Variants in SEMA3C observed in about 807,000 individuals in gnomAD.
SEMA3C encodes semaphorin 3C, also known as semaphorin-3C.
A neutral mutation model predicts 89.4 loss-of-function variants in SEMA3C; 47 were observed. That is an observed-to-expected ratio of 0.53 (90% CI 0.42 to 0.67). The LOEUF is 0.67. Ranked by LOEUF, SEMA3C falls within the 30% of genes least tolerant of loss-of-function variation. The pLI, the probability that SEMA3C is intolerant of heterozygous loss-of-function variation, is 0.00. For synonymous variants in SEMA3C, 310 were observed against 320.2 expected, an observed-to-expected ratio of 0.97 and a Z score of 0.34; for missense variants, 839 against 929.1, an observed-to-expected ratio of 0.90 and a Z score of 1.26.
intron 2 of SEMA3C, among the ~76,000 whole-genome samples, chr7:80,913,641 GAGTT>G (rs1390040754): frequency 2.0e-5 from 3 of 152,128 alleles, no homozygotes; most frequent in African/African-American, 7.2e-5. Flanking sequence ...CATAAAATAA[GAGTT>G]AGACCAATTA....
At chr7:80,812,040 A>G (rs1429016599) in intron 5 of SEMA3C, among the ~76,000 whole-genome samples, 1 of 152,188 alleles carries the variant, frequency 6.6e-6, no homozygotes, top group African/African-American at 2.4e-5. Flanking sequence ...AAGGTAACCT[A>G]AAAAGGTAAA....
At chr7:80,772,900 T>C (rs1788466427) in intron 12 of SEMA3C, among the ~76,000 whole-genome samples, 1 of 152,144 alleles carries the variant, frequency 6.6e-6, no homozygotes, top group South Asian at 2.1e-4. Context: ...TCAGATTACC[T>C]CACTCAAAGT....
intron 17 of SEMA3C, among the ~76,000 whole-genome samples, chr7:80,746,461 G>T (rs1468415348): frequency 6.6e-6 from 1 of 152,000 alleles, no homozygotes; most frequent in Non-Finnish European, 1.5e-5. Flanking sequence ...TATCCTATTT[G>T]TGCAAAATTG....
chr7:80,862,372 T>G (rs1016075060), intron 2 of SEMA3C, among the ~76,000 whole-genome samples: 2 of 152,024 alleles, frequency 1.3e-5, no homozygotes, highest in Non-Finnish European at 2.9e-5. Context: ...TACTTAGGAA[T>G]ATACCTAACC....
At chr7:80,795,307 C>A (rs772935345) in intron 11 of SEMA3C, among the ~76,000 whole-genome samples, 1 of 152,126 alleles carries the variant, frequency 6.6e-6, no homozygotes, top group African/African-American at 2.4e-5. Context: ...CAGGGAGGTA[C>A]GCTTTTCCAG....
At position 80,789,373 on chromosome 7, in the gene SEMA3C, A is replaced by G. The variant is rs17275986; in HGVS notation, c.1287T>C (p.Tyr429=). The G allele has an allele frequency of 0.18, 297,573 of 1,613,682 alleles. 29,215 individuals carry two copies. Among genetic ancestry groups the G allele is most frequent in the Non-Finnish European group, 0.21 (243,607 of 1,179,754 alleles). ...LIVRIGTDYK[Y]TKIAVDRVNA... ...TCACTCGATCCACAGCTATCTTTGT[A>G]TACTTGTAGTCAGTGCCAATACGAA... The change falls in exon 12 of 18, where the codon TAT becomes TAC. Residue 429 remains tyrosine, a synonymous_variant. Coordinates refer to ENST00000265361, the MANE Select transcript of SEMA3C (RefSeq NM_006379.5).
intron 12 of SEMA3C, among the ~76,000 whole-genome samples, chr7:80,771,660 T>C (rs1283346982): frequency 6.6e-6 from 1 of 152,176 alleles, no homozygotes; most frequent in Non-Finnish European, 1.5e-5. Flanking sequence ...TTTGTATATC[T>C]ATCTCCTGAG....
chr7:80,768,823 T>C (rs937500346), intron 12 of SEMA3C, among the ~76,000 whole-genome samples: 1 of 152,140 alleles, frequency 6.6e-6, no homozygotes, highest in East Asian at 1.9e-4. Flanking sequence ...ACCACAGGCA[T>C]GTGTGTGCAT....
intron 11 of SEMA3C, among the ~76,000 whole-genome samples, chr7:80,792,768 T>C (rs1230438043): frequency 6.6e-6 from 1 of 152,170 alleles, no homozygotes; most frequent in African/African-American, 2.4e-5. Context: ...AAACAATTCT[T>C]TTTGATAATA....
rs978920549 is a variant in SEMA3C at position 80,751,479 on chromosome 7, A to G, written c.1644-143T>C. On this transcript the variant is annotated intron_variant, in intron 15 of 17. Coordinates refer to ENST00000265361, the MANE Select transcript of SEMA3C (RefSeq NM_006379.5). The stretch of plus-strand genomic sequence containing the variant: ...TTTTAAAAAGAGTTCTGATTGATGC[A>G]GCTATCTCACATTTCTTATACAATT... The G allele has an allele frequency of 4.0e-5, 26 of 654,946 alleles. No individual in the cohort carries two copies. In the African/African-American group the frequency reaches 4.3e-4, roughly 11 times the overall value. 40.6% of individuals were successfully genotyped at this position (654,946 alleles called of 1,614,324 possible). A position where few individuals can be genotyped will look rare whatever the true frequency, so the allele number is the denominator to read the frequency against.
In SEMA3C at chr7:80,881,700, A is replaced by G. The variant is rs141225675; in HGVS notation, c.103+34979T>C. On this transcript the variant is annotated intron_variant, in intron 2 of 17. Transcript: ENST00000265361. ...AATTGGCTTCATAGCAGCAGCAGCA[A>G]TGAGTTGAAGTAAGGTTAGAGAATT... 2.2e-3 allele frequency among the ~76,000 whole-genome samples: 333 copies of G among 152,334 alleles called. 1 individual carries two copies. Among genetic ancestry groups the G allele is most frequent in the African/African-American group, 7.4e-3 (309 of 41,582 alleles).
intron 2 of SEMA3C, among the ~76,000 whole-genome samples, chr7:80,907,768 A>T (rs1482123588): frequency 6.6e-6 from 1 of 152,024 alleles, no homozygotes; most frequent in East Asian, 1.9e-4. Flanking sequence ...ATTCTTTTCA[A>T]ATCAAGGGGT....
intron 17 of SEMA3C, among the ~76,000 whole-genome samples, chr7:80,746,087 CTAAGTGG>C (rs1787794030): frequency 6.6e-6 from 1 of 151,980 alleles, no homozygotes; most frequent in Non-Finnish European, 1.5e-5. Flanking sequence ...AGATAAAAAC[CTAAGTGG>C]TAAGAGGTTC....
At chr7:80,819,927 T>C (rs537212809) in intron 4 of SEMA3C, among the ~76,000 whole-genome samples, 6 of 152,216 alleles carry the variant, frequency 3.9e-5, no homozygotes, top group African/African-American at 1.2e-4. Context: ...AATAAAATGA[T>C]TGTATATTAG....
chr7:80,878,106 G>T (rs1167976174), intron 2 of SEMA3C, among the ~76,000 whole-genome samples: 1 of 152,268 alleles, frequency 6.6e-6, no homozygotes, highest in South Asian at 2.1e-4. Flanking sequence ...GGCCGGGTGC[G>T]GTGGCTCACA....
At chr7:80,880,152 T>C (rs1216073261) in intron 2 of SEMA3C, among the ~76,000 whole-genome samples, 1 of 152,140 alleles carries the variant, frequency 6.6e-6, no homozygotes, top group South Asian at 2.1e-4. Context: ...TCCATTCAAA[T>C]CTTTGCTCAA....
At chr7:80,808,856 C>G (rs1789402455) in intron 6 of SEMA3C, among the ~76,000 whole-genome samples, 1 of 152,170 alleles carries the variant, frequency 6.6e-6, no homozygotes, top group African/African-American at 2.4e-5. Context: ...CTCACCACAA[C>G]CTCTGCCTCC....
chr7:80,899,553 G>C (rs1342908112), intron 2 of SEMA3C, among the ~76,000 whole-genome samples: 1 of 152,028 alleles, frequency 6.6e-6, no homozygotes, highest in Admixed American at 6.6e-5. Context: ...CCTGGAGACA[G>C]CATTCTTATA....
chr7:80,829,034 GT>G (rs550685964), intron 2 of SEMA3C, among the ~76,000 whole-genome samples: 6 of 152,014 alleles, frequency 3.9e-5, no homozygotes, highest in Non-Finnish European at 8.8e-5. Flanking sequence ...GGGCATGGTG[GT>G]ATGTGTCTTT....
Sources: gnomAD v4.1 joint callset for allele counts (sites outside exome capture counted in the v4.1 genomes callset) on GRCh38, gnomAD v4.1.1 for gene constraint, MANE v1.5 for transcripts, NCBI Gene and HGNC (gene_info 2026-07-23, HGNC 2026-07-21) for gene names.